Variants in COMMD1 observed in about 807,000 individuals in gnomAD.
COMMD1 encodes copper metabolism domain containing 1.
Under a neutral mutation model 17.2 loss-of-function variants are expected in COMMD1, and 10 were observed. That is an observed-to-expected ratio of 0.58 (90% CI 0.36 to 0.99). The LOEUF (loss-of-function observed/expected upper bound fraction) is 0.99. Ranked by LOEUF, COMMD1 falls within the 50% of genes least tolerant of loss-of-function variation. COMMD1 has a pLI of 0.01. For missense variants in COMMD1, 270 were observed against 231.8 expected, an observed-to-expected ratio of 1.17 and a Z score of -1.07; for synonymous variants, 97 against 91.6, an observed-to-expected ratio of 1.06 and a Z score of -0.34.
chr2:61,986,780 G>A (rs1489217128), intron 1 of COMMD1, among the ~76,000 whole-genome samples: 1 of 151,844 alleles, frequency 6.6e-6, no homozygotes, highest in Non-Finnish European at 1.5e-5. Flanking sequence ...TGTTGCCCAG[G>A]CTGGTCTTGA....
intron 2 of COMMD1, among the ~76,000 whole-genome samples, chr2:62,072,856 A>G (rs1417338178): frequency 1.3e-5 from 2 of 152,224 alleles, no homozygotes; most frequent in African/African-American, 4.8e-5. Flanking sequence ...GCCCTGCCAC[A>G]GCAGCCGGTG....
intron 1 of COMMD1, among the ~76,000 whole-genome samples, chr2:61,950,079 A>G (rs1671012427): frequency 6.6e-6 from 1 of 152,238 alleles, no homozygotes; most frequent in African/African-American, 2.4e-5. Context: ...ACTAGTTCCT[A>G]AAGTGTTTCC....
In COMMD1 at chr2:61,982,252, T is replaced by G. The variant is rs1270015961; in HGVS notation, c.181-18449T>G. The stretch of plus-strand genomic sequence containing the variant: ...CTAGGTATTTAATTTTATTTGTAGC[T>G]GTTGTAAATGGGATTACTTTCTTGA... On this transcript the variant is annotated intron_variant, in intron 1 of 2. Coordinates refer to ENST00000311832, the MANE Select transcript of COMMD1 (RefSeq NM_152516.4). Among the ~76,000 whole-genome samples the G allele has an allele frequency of 2.0e-5, 3 of 152,228 alleles. No homozygotes were observed. The East Asian group carries it at 5.8e-4, about 29-fold the overall frequency.
At chr2:62,078,239 CAAAAAAAA>C (rs56320690) in intron 2 of COMMD1, among the ~76,000 whole-genome samples, 174 of 19,854 alleles carry the variant, frequency 8.8e-3, no homozygotes, top group African/African-American at 0.026. Flanking sequence ...CACACCAATG[CAAAAAAAA>C]AAAAAAAAAA....
chr2:61,950,538 C>G (rs1466332164), intron 1 of COMMD1, among the ~76,000 whole-genome samples: 1 of 152,192 alleles, frequency 6.6e-6, no homozygotes, highest in Admixed American at 6.5e-5. Flanking sequence ...ATGATCAAAA[C>G]CATTGATAGT....
chr2:61,905,667 C>T (rs1368663654), upstream of COMMD1: 3 of 1,538,432 alleles, frequency 2.0e-6, no homozygotes. Context: ...CGGGGCGGGG[C>T]CTTCGCAGAG....
intron 1 of COMMD1, among the ~76,000 whole-genome samples, chr2:61,956,430 G>A (rs2103682329): frequency 6.6e-6 from 1 of 150,700 alleles, no homozygotes; most frequent in South Asian, 2.1e-4. Flanking sequence ...TTTTTTTGGA[G>A]ATGGAGTCTC....
At chr2:62,100,256 G>C (rs1184764199) in intron 2 of COMMD1, 1 of 152,174 alleles carries the variant, frequency 6.6e-6, no homozygotes, top group East Asian at 1.9e-4. Flanking sequence ...CCTTAGCTAG[G>C]GTTTTAGGCA....
At chr2:62,026,186 A>G (rs1053248090) in intron 2 of COMMD1, among the ~76,000 whole-genome samples, 3 of 152,184 alleles carry the variant, frequency 2.0e-5, no homozygotes, top group African/African-American at 7.2e-5. Context: ...TTTCTTTGCT[A>G]TAAAGAAATA....
At chr2:61,907,189 T>G (rs1358550063) in intron 1 of COMMD1, among the ~76,000 whole-genome samples, 2 of 152,236 alleles carry the variant, frequency 1.3e-5, no homozygotes, top group Non-Finnish European at 2.9e-5. Flanking sequence ...CACTGCAATC[T>G]CCACCTCCTG....
intron 1 of COMMD1, among the ~76,000 whole-genome samples, chr2:61,916,562 C>T (rs111758216): frequency 2.0e-5 from 3 of 152,036 alleles, no homozygotes; most frequent in African/African-American, 7.2e-5. Flanking sequence ...GCTGGGACTA[C>T]AGGTGTGTGC....
intron 2 of COMMD1, among the ~76,000 whole-genome samples, chr2:62,126,767 A>G (rs1267008077): frequency 2.0e-5 from 3 of 152,302 alleles, no homozygotes; most frequent in East Asian, 3.9e-4. Flanking sequence ...CCCACAGCCA[A>G]TATCATACTG....
At chr2:61,990,903 TACACAC>T (rs34009777) in intron 1 of COMMD1, among the ~76,000 whole-genome samples, 29 of 116,162 alleles carry the variant, frequency 2.5e-4, no homozygotes, top group South Asian at 1.9e-3. Context: ...TATATATATA[TACACAC>T]ACACACACAC....
intron 2 of COMMD1, among the ~76,000 whole-genome samples, chr2:62,053,287 T>C (rs550997283): frequency 6.6e-6 from 1 of 152,214 alleles, no homozygotes; most frequent in Non-Finnish European, 1.5e-5. Context: ...GACCAACTAA[T>C]AGGAAATAAT....
intron 2 of COMMD1, among the ~76,000 whole-genome samples, chr2:62,051,497 C>G (rs1670532702): frequency 6.6e-6 from 1 of 152,188 alleles, no homozygotes; most frequent in Non-Finnish European, 1.5e-5. Flanking sequence ...TGATGACAAA[C>G]TTTCTTCTCC....
chr2:61,983,712 T>C (rs1672022222), intron 1 of COMMD1, among the ~76,000 whole-genome samples: 1 of 152,168 alleles, frequency 6.6e-6, no homozygotes. Flanking sequence ...TCTAATTTTA[T>C]TTATTTGAAT....
At chr2:62,077,579 A>G (rs1169354985) in intron 2 of COMMD1, among the ~76,000 whole-genome samples, 2 of 152,078 alleles carry the variant, frequency 1.3e-5, no homozygotes, top group African/African-American at 2.4e-5. Context: ...ATCTATTTAT[A>G]TTTCTCTCTC....
At chr2:61,925,404 G>C (rs1346055966) in intron 1 of COMMD1, among the ~76,000 whole-genome samples, 1 of 152,012 alleles carries the variant, frequency 6.6e-6, no homozygotes, top group Non-Finnish European at 1.5e-5. Flanking sequence ...AGGGGAGTTT[G>C]AGGGAGTTCT....
Position 61,965,544 on chromosome 2 carries a change from A to C in COMMD1, c.181-35157A>C, listed in dbSNP as rs1671483537. 3.3e-5 allele frequency among the ~76,000 whole-genome samples: 5 copies of C among 152,366 alleles called. No individual in the cohort carries two copies. The South Asian group carries it at 8.3e-4, about 25-fold the overall frequency. On this transcript the variant is annotated intron_variant, in intron 1 of 2. Coordinates refer to ENST00000311832, the MANE Select transcript of COMMD1 (RefSeq NM_152516.4). ...CAGCATGGTATAGGGCTTTTTGGAC[A>C]CTTAGTAAAAATTCGGTGATCACGA...
Sources: allele counts gnomAD v4.1 joint callset (sites outside exome capture counted in the v4.1 genomes callset), GRCh38; gene constraint gnomAD v4.1.1; transcripts MANE v1.5; gene names NCBI Gene and HGNC (gene_info 2026-07-23, HGNC 2026-07-21).